The following DOCK1 variants were observed in gnomAD, a reference collection of about 807,000 sequenced individuals.
The protein encoded by DOCK1 is dedicator of cytokinesis 1.
DOCK1 carries 138 observed loss-of-function variants against 262.7 expected under a neutral mutation model. That is an observed-to-expected ratio of 0.53 (90% CI 0.46 to 0.61). DOCK1 has a LOEUF of 0.61. DOCK1 is among the 20% of genes least tolerant of loss of function. The pLI is 0.00. For synonymous variants in DOCK1, 866 were observed against 867.4 expected (o/e 1.00, Z 0.03); for missense variants, 1,908 against 2,370.7 (o/e 0.80, Z 4.05).
intron 27 of DOCK1, among the ~76,000 whole-genome samples, chr10:127,149,775 C>T (rs1366543575): frequency 6.6e-6 from 1 of 152,208 alleles, no homozygotes; most frequent in East Asian, 1.9e-4. Flanking sequence ...GGGACAACCA[C>T]AGTCATGTGA....
chr10:127,084,785 TG>T (rs922572199), intron 23 of DOCK1, among the ~76,000 whole-genome samples: 1 of 151,978 alleles, frequency 6.6e-6, no homozygotes, highest in African/African-American at 2.4e-5. Context: ...CTCCAGCAAA[TG>T]TGAGGAAGAG....
At chr10:127,153,945 G>A (rs1412312332) in intron 27 of DOCK1, 5 of 1,600,368 alleles carry the variant, frequency 3.1e-6, no homozygotes, top group Admixed American at 3.3e-5. Flanking sequence ...GAACAGGAGA[G>A]CATTACAAGC....
At chr10:127,028,522 C>A (rs796978223) in intron 16 of DOCK1, among the ~76,000 whole-genome samples, 1 of 152,226 alleles carries the variant, frequency 6.6e-6, no homozygotes, top group African/African-American at 2.4e-5. Context: ...TGAAAGGCAC[C>A]CAGGTAGTCA....
At chr10:127,223,540 T>C (rs1399980940) in intron 27 of DOCK1, among the ~76,000 whole-genome samples, 1 of 152,224 alleles carries the variant, frequency 6.6e-6, no homozygotes, top group Non-Finnish European at 1.5e-5. Context: ...TGGAGCATTT[T>C]GGATTTCAGA....
chr10:127,018,533 G>A (rs2042178888), intron 12 of DOCK1, 177 bp from the exon 13 acceptor site: 2 of 881,110 alleles, frequency 2.3e-6, no homozygotes, highest in African/African-American at 1.7e-5. Flanking sequence ...TTGGATGCAT[G>A]GAGTCCCCAC....
At chr10:127,421,793 G>T (rs2068525777) in intron 46 of DOCK1, among the ~76,000 whole-genome samples, 1 of 152,204 alleles carries the variant, frequency 6.6e-6, no homozygotes, top group Non-Finnish European at 1.5e-5. Flanking sequence ...GTTGTAGTGT[G>T]TGTCAGAACT....
chr10:126,968,160 G>C (rs1477225849), intron 1 of DOCK1, among the ~76,000 whole-genome samples: 4 of 152,082 alleles, frequency 2.6e-5, no homozygotes, highest in Non-Finnish European at 4.4e-5. Context: ...CCCTCGCAGT[G>C]CCCCTGTGGC....
chr10:126,977,397 C>T (rs773396121), intron 2 of DOCK1, among the ~76,000 whole-genome samples: 32 of 152,058 alleles, frequency 2.1e-4, no homozygotes, highest in Non-Finnish European at 3.8e-4. Context: ...TGTGCTTGGC[C>T]CTGGAGCTTC....
In DOCK1 at chr10:127,306,584, T is replaced by A. The variant is rs559848981; in HGVS notation, c.3045-32422T>A. On this transcript the variant is annotated intron_variant, in intron 29 of 51. Transcript: ENST00000623213. Reference sequence around the variant, plus strand: ...CTCGGGTCGCTGGGAGATTGAGGATTATGAGAACTTCCTTCTTTCACACAG... The same window carrying A: ...CTCGGGTCGCTGGGAGATTGAGGATAATGAGAACTTCCTTCTTTCACACAG... Among the ~76,000 whole-genome samples, 46 of 152,256 alleles carry A rather than the reference T, an allele frequency of 3.0e-4. 1 individual carries two copies. The highest frequency in any genetic ancestry group is 1.0e-3 in the African/African-American group (43 of 41,556).
intron 29 of DOCK1, among the ~76,000 whole-genome samples, chr10:127,335,758 A>G (rs1411104285): frequency 6.7e-6 from 1 of 149,380 alleles, no homozygotes; most frequent in African/African-American, 2.5e-5. Context: ...TCTGTCGCCT[A>G]GGCTGGAGTG....
intron 12 of DOCK1, among the ~76,000 whole-genome samples, chr10:127,015,346 C>T (rs1270034490): frequency 1.3e-5 from 2 of 152,084 alleles, no homozygotes; most frequent in East Asian, 1.9e-4. Context: ...TCCCTGAGCG[C>T]CCCCGCCCCC....
At chr10:126,963,615 C>G (rs1464376901) in intron 1 of DOCK1, among the ~76,000 whole-genome samples, 8 of 73,684 alleles carry the variant, frequency 1.1e-4, no homozygotes, top group African/African-American at 5.3e-4. Flanking sequence ...CTTCCCTTCC[C>G]TTCCCTTCCC....
intron 27 of DOCK1, among the ~76,000 whole-genome samples, chr10:127,238,496 C>T (rs965812532): frequency 1.3e-5 from 2 of 152,142 alleles, no homozygotes; most frequent in South Asian, 2.1e-4. Flanking sequence ...TTCTTCATTC[C>T]GTGTTTTTTT....
intron 33 of DOCK1, among the ~76,000 whole-genome samples, chr10:127,369,187 G>A (rs1370932303): frequency 6.6e-6 from 1 of 152,218 alleles, no homozygotes; most frequent in Non-Finnish European, 1.5e-5. Flanking sequence ...CTGCCACTTG[G>A]TGGAAAGGCC....
intron 1 of DOCK1, among the ~76,000 whole-genome samples, chr10:126,935,965 TGTTCTGGAAAACA>T (rs2034533016): frequency 6.6e-6 from 1 of 152,256 alleles, no homozygotes; most frequent in Non-Finnish European, 1.5e-5. Context: ...AAAGTAGGGC[TGTTCTGGAAAACA>T]GTGGCATTTT....
In DOCK1 at chr10:127,024,788, T is replaced by C; in HGVS notation, c.1551+5T>C. On this transcript the variant is annotated splice_donor_5th_base_variant and intron_variant, in intron 15 of 51. Coordinates refer to ENST00000623213, the MANE Select transcript of DOCK1 (RefSeq NM_001290223.2). Reference sequence around the variant, plus strand: ...CGCTGGTTTGAGACTGTTAAGGTATTATTTACATGGTCATTTTATCACATG... The same window carrying C: ...CGCTGGTTTGAGACTGTTAAGGTATCATTTACATGGTCATTTTATCACATG... 1 of 1,594,248 alleles carries C rather than the reference T, an allele frequency of 6.3e-7. No homozygotes were observed. Among genetic ancestry groups the C allele is most frequent in the East Asian group, 2.2e-5 (1 of 44,470 alleles).
At chr10:127,418,666 C>G (rs904591819) in intron 45 of DOCK1, 125 bp downstream of exon 45, 58 of 1,243,694 alleles carry the variant, frequency 4.7e-5, no homozygotes, top group Non-Finnish European at 6.1e-5. Flanking sequence ...AGTGGCCCAG[C>G]CAAGGCCAGG....
chr10:126,930,114 T>C (rs2034079333), intron 1 of DOCK1, among the ~76,000 whole-genome samples: 1 of 152,228 alleles, frequency 6.6e-6, no homozygotes, highest in Admixed American at 6.5e-5. Flanking sequence ...TTATCCACAC[T>C]GTGGCATGGA....
chr10:127,242,170 T>G (rs1320037552), intron 27 of DOCK1, among the ~76,000 whole-genome samples: 1 of 152,208 alleles, frequency 6.6e-6, no homozygotes, highest in Non-Finnish European at 1.5e-5. Flanking sequence ...TTGTGCAGTT[T>G]TAATATGTGC....
Sources: gnomAD v4.1 joint callset for allele counts (sites outside exome capture counted in the v4.1 genomes callset) on GRCh38, gnomAD v4.1.1 for gene constraint, MANE v1.5 for transcripts, NCBI Gene and HGNC (gene_info 2026-07-23, HGNC 2026-07-21) for gene names.